The following NRXN3 variants were observed in gnomAD, a reference collection of about 807,000 sequenced individuals.
NRXN3 encodes the protein neurexin 3.
In NRXN3, 32 loss-of-function variants were observed where a neutral mutation model predicts 137.6. That is an observed-to-expected ratio of 0.23 (90% CI 0.18 to 0.31). The LOEUF is 0.31. Ranked by LOEUF, NRXN3 falls within the 10% of genes least tolerant of loss-of-function variation. The pLI is 1.00. For missense variants in NRXN3, 1,574 were observed against 2,062.5 expected (o/e 0.76, Z 4.59); for synonymous variants, 798 against 784.5 (o/e 1.02, Z -0.29).
rs1052259138 is a variant in NRXN3 at position 78,926,638 on chromosome 14, ATT to A, written c.2276-30602_2276-30601del. Among the ~76,000 whole-genome samples, 290 of 104,658 alleles carry A rather than the reference ATT, an allele frequency of 2.8e-3. 2 individuals carry two copies. The highest frequency in any genetic ancestry group is 9.4e-3 in the African/African-American group (281 of 29,742). 68.7% of individuals were successfully genotyped at this position (104,658 alleles called of 152,430 possible). A position where few individuals can be genotyped will look rare whatever the true frequency, so the allele number is the denominator to read the frequency against. On this transcript the variant is annotated intron_variant, in intron 10 of 20. Transcript: ENST00000335750. The stretch of plus-strand genomic sequence containing the variant: ...TAATGTATATTTATATATAATATAT[ATT>A]TATATATAATATATATATTTATTAT...
chr14:78,216,943 C>T (rs1019540184), intron 1 of NRXN3, among the ~76,000 whole-genome samples: 4 of 152,172 alleles, frequency 2.6e-5, no homozygotes, highest in African/African-American at 9.7e-5. Context: ...CTCTATCCCT[C>T]TAAGGACACT....
chr14:79,482,998 G>A (rs73339494), intron 16 of NRXN3, among the ~76,000 whole-genome samples: 3,370 of 152,234 alleles, frequency 0.022, 139 homozygotes, highest in East Asian at 0.15. Context: ...CAGAGTATTC[G>A]CTTCCTTTTT....
At position 79,766,995 on chromosome 14, in the gene NRXN3, T is replaced by C. The variant is rs79585018; in HGVS notation, c.4015-38117T>C. ...GGCAGAGACCCCTGGATCACCGTGATACTTATGACACTACTTGCTCACTTG... is the reference window on the plus strand; with the variant it reads ...GGCAGAGACCCCTGGATCACCGTGACACTTATGACACTACTTGCTCACTTG... On this transcript the variant is annotated intron_variant, in intron 19 of 20. Coordinates refer to ENST00000335750, the MANE Select transcript of NRXN3 (RefSeq NM_001330195.2). Among the ~76,000 whole-genome samples the C allele has an allele frequency of 5.9e-3, 899 of 152,366 alleles. 6 individuals are homozygous for C. The highest frequency in any genetic ancestry group is 7.5e-3 in the Non-Finnish European group (513 of 68,030).
intron 19 of NRXN3, among the ~76,000 whole-genome samples, chr14:79,722,993 G>T (rs144782133): frequency 0.017 from 2,572 of 152,174 alleles, 30 homozygotes; most frequent in Non-Finnish European, 0.026. Context: ...ATAGTCTTGA[G>T]TGGGCTTTAG....
intron 20 of NRXN3, among the ~76,000 whole-genome samples, chr14:79,852,267 A>T (rs1370197603): frequency 6.7e-6 from 1 of 149,908 alleles, no homozygotes; most frequent in East Asian, 2.0e-4. Context: ...ACACACACAC[A>T]CACACACACA....
chr14:78,175,417 C>T lies in NRXN3; in HGVS notation c.-704+4743C>T, dbSNP rs958012860. Among the ~76,000 whole-genome samples the T allele has an allele frequency of 3.3e-5, 5 of 152,156 alleles. No homozygotes were observed. In the South Asian group the frequency reaches 1.0e-3, roughly 32 times the overall value. ...GCCGTGTTCTCCTTACATGACCCCTCAGGTGTGGATAGGAGACTTGCAAAA... is the reference window on the plus strand; with the variant it reads ...GCCGTGTTCTCCTTACATGACCCCTTAGGTGTGGATAGGAGACTTGCAAAA... On this transcript the variant is annotated intron_variant, in intron 1 of 20. Coordinates refer to ENST00000335750, the MANE Select transcript of NRXN3 (RefSeq NM_001330195.2).
At position 79,625,089 on chromosome 14, in the gene NRXN3, C is replaced by T. The variant is rs527283890; in HGVS notation, c.3445-38689C>T. Among the ~76,000 whole-genome samples, 5 of 152,264 alleles carry T rather than the reference C, an allele frequency of 3.3e-5. No homozygotes were observed. In the South Asian group the frequency reaches 6.2e-4, roughly 19 times the overall value. On this transcript the variant is annotated intron_variant, in intron 16 of 20. Transcript: ENST00000335750. ...GCTGGAATTATGGTGCGAGCCACTG[C>T]TCCTGGCCTCTACAGTATTTTTCTT...
intron 1 of NRXN3, among the ~76,000 whole-genome samples, chr14:78,173,611 C>A (rs991984814): frequency 2.8e-5 from 4 of 143,848 alleles, no homozygotes; most frequent in Admixed American, 6.9e-5. Context: ...CTGCTCCCCC[C>A]ACCCTAGGCG....
chr14:78,444,984 TA>T (rs1401513831), intron 4 of NRXN3, among the ~76,000 whole-genome samples: 1 of 145,094 alleles, frequency 6.9e-6, no homozygotes, highest in African/African-American at 2.6e-5. Context: ...CCACCCAAGA[TA>T]TTTAATACAA....
intron 19 of NRXN3, among the ~76,000 whole-genome samples, chr14:79,768,894 A>G (rs1193782184): frequency 3.3e-5 from 5 of 151,430 alleles, no homozygotes; most frequent in African/African-American, 1.2e-4. Context: ...AGAAGAATGT[A>G]TAACTAGAAT....
intron 19 of NRXN3, among the ~76,000 whole-genome samples, chr14:79,791,995 T>G (rs376969588): frequency 6.6e-6 from 1 of 152,320 alleles, no homozygotes; most frequent in East Asian, 1.9e-4. Context: ...GCCATACTTA[T>G]GTCCGTGCTA....
At chr14:79,823,772 G>C in intron 20 of NRXN3, 1 of 266,280 alleles carries the variant, frequency 3.8e-6, no homozygotes, top group Admixed American at 3.5e-5. Context: ...CTTTTTCCTG[G>C]GTTGAATTAT....
At chr14:78,495,060 ACCCT>A (rs2095749449) in intron 4 of NRXN3, among the ~76,000 whole-genome samples, 1 of 148,132 alleles carries the variant, frequency 6.8e-6, no homozygotes, top group African/African-American at 2.5e-5. Flanking sequence ...TCCCTGGTGT[ACCCT>A]GGGGAAAAAA....
intron 16 of NRXN3, among the ~76,000 whole-genome samples, chr14:79,510,696 C>G (rs1315954981): frequency 6.6e-6 from 1 of 152,168 alleles, no homozygotes; most frequent in Non-Finnish European, 1.5e-5. Context: ...TCTGTTTCTC[C>G]AATGCCTTGA....
At chr14:78,815,479 C>CTTTTATTTTTTTTTTTTTTTTTT (rs2098929331) in intron 10 of NRXN3, among the ~76,000 whole-genome samples, 1 of 84,436 alleles carries the variant, frequency 1.2e-5, no homozygotes, top group African/African-American at 4.2e-5. Flanking sequence ...TTGTTTCTTT[C>CTTTTATTTTTTTTTTTTTTTTTT]TTTTTTTTTT....
intron 10 of NRXN3, among the ~76,000 whole-genome samples, chr14:78,937,288 G>A (rs1334578786): frequency 1.3e-5 from 2 of 152,022 alleles, no homozygotes; most frequent in African/African-American, 4.8e-5. Flanking sequence ...GTATTTTGGT[G>A]GTACCTAAAC....
chr14:79,032,346 A>G (rs1486100002), intron 15 of NRXN3, among the ~76,000 whole-genome samples: 3 of 152,282 alleles, frequency 2.0e-5, no homozygotes, highest in East Asian at 3.9e-4. Context: ...ATGGTTGGGA[A>G]TAAGAATAAT....
intron 15 of NRXN3, among the ~76,000 whole-genome samples, chr14:79,072,739 T>C (rs1368790350): frequency 6.6e-6 from 1 of 152,158 alleles, no homozygotes; most frequent in Admixed American, 6.5e-5. Flanking sequence ...AAATGCTTGC[T>C]GTTATTGTTG....
chr14:79,072,993 T>C (rs1374725334), intron 15 of NRXN3, among the ~76,000 whole-genome samples: 1 of 151,944 alleles, frequency 6.6e-6, no homozygotes, highest in Non-Finnish European at 1.5e-5. Context: ...TTCAAGTGAT[T>C]TTCCTGCCTC....
Sources: gnomAD v4.1 joint callset for allele counts (sites outside exome capture counted in the v4.1 genomes callset) on GRCh38, gnomAD v4.1.1 for gene constraint, MANE v1.5 for transcripts, NCBI Gene and HGNC (gene_info 2026-07-23, HGNC 2026-07-21) for gene names.